The following XKR9 variants were observed in gnomAD, a reference collection of about 807,000 sequenced individuals.
XKR9 encodes XK related 9.
XKR9 carries 32 observed loss-of-function variants against 32.0 expected under a neutral mutation model. The ratio of observed to expected loss-of-function variants is 1.00; its 90% CI spans 0.76 to 1.34. The LOEUF (loss-of-function observed/expected upper bound fraction) is 1.34. Ranked by LOEUF, XKR9 falls within the 40% of genes most tolerant of loss-of-function variation. The pLI is 0.00. For synonymous variants in XKR9, 168 were observed against 143.4 expected (o/e 1.17, Z -1.22); for missense variants, 546 against 429.7 (o/e 1.27, Z -2.39).
At chr8:70,779,217 G>A (rs1412700746) in intron 2 of XKR9, among the ~76,000 whole-genome samples, 2 of 151,932 alleles carry the variant, frequency 1.3e-5, no homozygotes, top group Non-Finnish European at 1.5e-5. Flanking sequence ...ATAATCACGT[G>A]GTTTTTTGTC....
chr8:70,857,646 G>A, the XKR9 span, among the ~76,000 whole-genome samples: 1 of 152,210 alleles, frequency 6.6e-6, no homozygotes, highest in African/African-American at 2.4e-5. Flanking sequence ...ACCAAAGCCT[G>A]GCCGAGACAC....
At chr8:71,021,055 A>C in the XKR9 span, among the ~76,000 whole-genome samples, 3 of 152,210 alleles carry the variant, frequency 2.0e-5, no homozygotes, top group Non-Finnish European at 4.4e-5. Context: ...GTGGAAAATA[A>C]GAAGAAGCCA....
the XKR9 span, among the ~76,000 whole-genome samples, chr8:71,060,345 T>G: frequency 6.6e-6 from 1 of 152,262 alleles, no homozygotes; most frequent in African/African-American, 2.4e-5. Context: ...CAGTAACATT[T>G]TTAGGGAGCG....
chr8:70,674,011 G>T (rs1330033662), intron 1 of XKR9, among the ~76,000 whole-genome samples: 2 of 152,056 alleles, frequency 1.3e-5, no homozygotes, highest in East Asian at 1.9e-4. Flanking sequence ...TACTTTTAAA[G>T]TATATATGGG....
chr8:70,687,356 TTC>T (rs1278398023), intron 3 of XKR9, among the ~76,000 whole-genome samples: 1 of 148,440 alleles, frequency 6.7e-6, no homozygotes, highest in Non-Finnish European at 1.5e-5. Context: ...CTTTCTTTCT[TTC>T]TCTCTTTCCT....
At chr8:70,998,348 C>T in the XKR9 span, among the ~76,000 whole-genome samples, 1 of 152,162 alleles carries the variant, frequency 6.6e-6, no homozygotes, top group African/African-American at 2.4e-5. Flanking sequence ...TGAAGTGCTT[C>T]CTCTACTGAG....
intron 4 of XKR9, among the ~76,000 whole-genome samples, chr8:70,714,831 A>G (rs1201423807): frequency 1.3e-5 from 2 of 152,182 alleles, no homozygotes; most frequent in African/African-American, 4.8e-5. Context: ...GAAATAAATT[A>G]ATGAAAATCT....
the XKR9 span, among the ~76,000 whole-genome samples, chr8:71,024,985 A>G: frequency 0.43 from 65,892 of 152,112 alleles, 15,329 homozygotes; most frequent in Non-Finnish European, 0.53. Context: ...GTGTTTATTG[A>G]GCATTTCCTA....
In XKR9 at chr8:70,734,914, A is replaced by G. The variant is rs1428618992; in HGVS notation, c.*490A>G. On this transcript the variant is annotated 3_prime_UTR_variant, in exon 5 of 5. Coordinates refer to ENST00000408926, the MANE Select transcript of XKR9 (RefSeq NM_001011720.2). The stretch of plus-strand genomic sequence containing the variant: ...AATTTTTAGCATCTGCTGTGCTTTC[A>G]TCCATGAAATCTCCAATTCAGTAAG... 6.6e-6 allele frequency: 1 copy of G among 152,340 alleles called. No homozygotes were observed. Among genetic ancestry groups the G allele is most frequent in the East Asian group, 1.9e-4 (1 of 5,200 alleles). 9.4% of individuals were successfully genotyped at this position (152,340 alleles called of 1,614,324 possible). A position where few individuals can be genotyped will look rare whatever the true frequency, so the allele number is the denominator to read the frequency against.
At chr8:70,968,055 A>G in the XKR9 span, among the ~76,000 whole-genome samples, 2 of 152,034 alleles carry the variant, frequency 1.3e-5, no homozygotes, top group African/African-American at 4.8e-5. Flanking sequence ...CATTCTCCCC[A>G]TCTCTTTCAG....
the XKR9 span, among the ~76,000 whole-genome samples, chr8:71,058,274 T>C: frequency 1.3e-5 from 2 of 152,188 alleles, no homozygotes; most frequent in South Asian, 2.1e-4. Context: ...TCTGGGTCAG[T>C]TGAAAAAACA....
chr8:70,722,260 T>C (rs1806308520), intron 4 of XKR9, among the ~76,000 whole-genome samples: 1 of 152,136 alleles, frequency 6.6e-6, no homozygotes, highest in Non-Finnish European at 1.5e-5. Context: ...AACTTGCCAG[T>C]TTGTGTCTTT....
the XKR9 span, among the ~76,000 whole-genome samples, chr8:70,859,469 A>T: frequency 2.0e-5 from 3 of 152,110 alleles, no homozygotes; most frequent in Non-Finnish European, 4.4e-5. Flanking sequence ...AAAACTAAAA[A>T]TAGATCCAGC....
At chr8:70,912,729 A>G in the XKR9 span, among the ~76,000 whole-genome samples, 2 of 152,250 alleles carry the variant, frequency 1.3e-5, no homozygotes, top group East Asian at 3.9e-4. Flanking sequence ...GTCACCTAGG[A>G]AAAAATGTAC....
chr8:71,013,176 G>A, the XKR9 span, among the ~76,000 whole-genome samples: 2 of 152,170 alleles, frequency 1.3e-5, no homozygotes, highest in Admixed American at 1.3e-4. Flanking sequence ...TGAGGAGCAG[G>A]AGGACATTGC....
chr8:70,948,635 A>G, the XKR9 span, among the ~76,000 whole-genome samples: 1 of 152,224 alleles, frequency 6.6e-6, no homozygotes. Context: ...CTAACCTGAC[A>G]TAACCGAGCC....
chr8:70,887,562 G>C, the XKR9 span, among the ~76,000 whole-genome samples: 1 of 152,132 alleles, frequency 6.6e-6, no homozygotes, highest in East Asian at 1.9e-4. Flanking sequence ...CATGAGCATT[G>C]AATGTTTTTC....
At chr8:70,736,818 T>G (rs866124544), downstream of XKR9, among the ~76,000 whole-genome samples, 1 of 133,044 alleles carries the variant, frequency 7.5e-6, no homozygotes, top group Non-Finnish European at 1.7e-5. Flanking sequence ...TTCTGTTCCA[T>G]TGATCTATAT....
the XKR9 span, among the ~76,000 whole-genome samples, chr8:70,920,851 A>G: frequency 6.6e-6 from 1 of 152,188 alleles, no homozygotes; most frequent in African/African-American, 2.4e-5. Context: ...TTTAAATTAA[A>G]GCATATTTAG....
Sources: gnomAD v4.1 joint callset for allele counts (sites outside exome capture counted in the v4.1 genomes callset) on GRCh38, gnomAD v4.1.1 for gene constraint, MANE v1.5 for transcripts, NCBI Gene and HGNC (gene_info 2026-07-23, HGNC 2026-07-21) for gene names.